NLRP4: variants seen among roughly 807,000 people sequenced by gnomAD.
NLRP4 encodes the protein NACHT, LRR and PYD domains-containing protein 4.
NLRP4 carries 44 observed loss-of-function variants against 84.7 expected under a neutral mutation model. The ratio of observed to expected loss-of-function variants is 0.52; its 90% CI spans 0.41 to 0.67. The LOEUF (loss-of-function observed/expected upper bound fraction) is 0.67, where lower values mean the gene tolerates loss of function less well. NLRP4 is among the 30% of genes least tolerant of loss of function. The pLI, the probability that NLRP4 is intolerant of heterozygous loss-of-function variation, is 0.00. For missense variants in NLRP4, 1,260 were observed against 1,219.4 expected (o/e 1.03, Z -0.50); for synonymous variants, 544 against 476.4 (o/e 1.14, Z -1.85).
At chr19:55,852,817 C>T (rs755758962) in intron 2 of NLRP4, among the ~76,000 whole-genome samples, 64 of 151,956 alleles carry the variant, frequency 4.2e-4, no homozygotes, top group Non-Finnish European at 7.7e-4. Context: ...GTCTCTTAGA[C>T]GTGGTGGTTA....
At position 55,863,736 on chromosome 19, in the gene NLRP4, C is replaced by A. The variant is rs528544330; in HGVS notation, c.2186+1577C>A. On this transcript the variant is annotated intron_variant, in intron 5 of 9. Coordinates refer to ENST00000301295, the MANE Select transcript of NLRP4 (RefSeq NM_134444.5). ...GGAGAATGATGAACCTGCTCTGTTT[C>A]TTGACCTGGATACTGGTAACTCAAG... Among the ~76,000 whole-genome samples the A allele has an allele frequency of 1.4e-4, 22 of 152,278 alleles. 1 individual carries two copies. The highest frequency in any genetic ancestry group is 1.4e-3 in the Admixed American group (22 of 15,308).
chr19:55,852,437 T>C, intron 2 of NLRP4, 77 bp downstream of exon 2: 1 of 886,868 alleles, frequency 1.1e-6, no homozygotes, highest in East Asian at 2.6e-5. Context: ...TCTCTGCCTG[T>C]CTACAACAGG....
intron 2 of NLRP4, among the ~76,000 whole-genome samples, chr19:55,856,723 C>T (rs1241688386): frequency 1.3e-5 from 2 of 151,892 alleles, no homozygotes; most frequent in Non-Finnish European, 1.5e-5. Flanking sequence ...ACCATGTTGG[C>T]CAGGATGGTC....
At chr19:55,867,589 G>T in intron 5 of NLRP4, 120 bp from the exon 6 acceptor site, 1 of 810,636 alleles carries the variant, frequency 1.2e-6, no homozygotes, top group Non-Finnish European at 2.0e-6. Flanking sequence ...AACAGGGTTG[G>T]GAGGCAGTGA....
chr19:55,849,974 G>GCCGCGGTGTGATTTCCGAGA (rs1983981087), intron 1 of NLRP4, among the ~76,000 whole-genome samples: 1 of 107,524 alleles, frequency 9.3e-6, no homozygotes, highest in African/African-American at 5.5e-5. Flanking sequence ...AATTTCCGTA[G>GCCGCGGTGTGATTTCCGAGA]CTGCGGTGTA....
chr19:55,857,733 A>C lies in NLRP4; in HGVS notation c.340A>C (p.Lys114Gln). 6.2e-7 allele frequency: 1 copy of C among 1,613,796 alleles called. No individual in the cohort carries two copies. The highest frequency in any genetic ancestry group is 1.1e-5 in the South Asian group (1 of 91,072). Residue 114 changes from lysine to glutamine, a missense_variant, in exon 3 of 10, where the codon AAG becomes CAG. Lys to Gln is a moderately conservative substitution (Grantham distance 53, BLOSUM62 1). This residue lies in a region of NLRP4 where 712 missense variants were observed against 669.2 expected (regional missense o/e 1.06). Transcript: ENST00000301295. ...KQKFSRLWSS[K>Q]SVTEIHLYFE... Reference sequence around the variant, plus strand: ...GAAATTCAGCCGCTTATGGTCCAGCAAGTCTGTCACTGAGATTCACCTATA... The same window carrying C: ...GAAATTCAGCCGCTTATGGTCCAGCCAGTCTGTCACTGAGATTCACCTATA...
In NLRP4 at chr19:55,836,740, G is replaced by A. The variant is rs1476411006; in HGVS notation, c.-260G>A. ...GTTTTCCTTCTCTCCAGTTAGTGGG[G>A]TAGATGAACGCCCTGTGTTTATAAG... On this transcript the variant is annotated 5_prime_UTR_variant, in exon 1 of 10. Coordinates refer to ENST00000301295, the MANE Select transcript of NLRP4 (RefSeq NM_134444.5). 1 of 150,154 alleles carries A rather than the reference G, an allele frequency of 6.7e-6. No homozygotes were observed. The highest frequency in any genetic ancestry group is 2.0e-4 in the East Asian group (1 of 5,072). 9.3% of individuals were successfully genotyped at this position (150,154 alleles called of 1,614,324 possible).
At chr19:55,849,850 G>A (rs1409906052) in intron 1 of NLRP4, among the ~76,000 whole-genome samples, 2 of 142,998 alleles carry the variant, frequency 1.4e-5, no homozygotes, top group African/African-American at 2.8e-5. Context: ...TGTAATTTCC[G>A]AGACTGCGGT....
intron 1 of NLRP4, among the ~76,000 whole-genome samples, chr19:55,849,795 T>C (rs759883455): frequency 4.7e-5 from 7 of 149,778 alleles, no homozygotes; most frequent in African/African-American, 1.3e-4. Context: ...TTTCCAAAGC[T>C]GCGGTGTAAT....
intron 1 of NLRP4, among the ~76,000 whole-genome samples, chr19:55,840,315 T>G (rs532984071): frequency 1.3e-5 from 2 of 151,194 alleles, no homozygotes; most frequent in East Asian, 1.9e-4. Flanking sequence ...TTGTCGGGGG[T>G]GTGTGTGTAT....
At chr19:55,860,331 CTT>C (rs911543293) in intron 3 of NLRP4, among the ~76,000 whole-genome samples, 8 of 152,320 alleles carry the variant, frequency 5.3e-5, no homozygotes, top group Admixed American at 5.2e-4. Context: ...AACCCCAACA[CTT>C]TGAGAAGCTG....
rs1984587212 is a variant in NLRP4, at chr19:55,858,844, T to G, written c.1451T>G (p.Leu484Arg). The G allele has an allele frequency of 1.2e-6, 2 of 1,614,184 alleles. No individual in the cohort carries two copies. Among genetic ancestry groups the G allele is most frequent in the East Asian group, 4.5e-5 (2 of 44,890 alleles). Residue 484 changes from leucine (L) to arginine (R), a missense_variant, in exon 3 of 10, where the codon CTA becomes CGA. Around this residue, in one of 3 missense-constraint regions of NLRP4, gnomAD observed 712 missense variants for 669.2 expected, o/e 1.06. Coordinates refer to ENST00000301295, the MANE Select transcript of NLRP4 (RefSeq NM_134444.5). The surrounding 1 kb of genome is among the most constrained non-coding windows in gnomAD (Gnocchi z 4.2). Reference sequence around the variant, plus strand: ...GCTGTGAGATGTGTACAGGAATTGCTAGTTGCCAATTTTGAAAAAGCAAGG... The same window carrying G: ...GCTGTGAGATGTGTACAGGAATTGCGAGTTGCCAATTTTGAAAAAGCAAGG... ...HPAVRCVQELLVANFEKARRA... is the reference protein window; with the variant it reads ...HPAVRCVQELRVANFEKARRA...
At chr19:55,876,545 A>G (rs1444437153) in intron 7 of NLRP4, among the ~76,000 whole-genome samples, 1 of 151,762 alleles carries the variant, frequency 6.6e-6, no homozygotes, top group Non-Finnish European at 1.5e-5. Flanking sequence ...TTTTTTTAGT[A>G]GAGATGAGGG....
chr19:55,838,658 G>A (rs1324547286), intron 1 of NLRP4, among the ~76,000 whole-genome samples: 1 of 152,074 alleles, frequency 6.6e-6, no homozygotes, highest in African/African-American at 2.4e-5. Context: ...ATCACCAAAT[G>A]TTAAAAGTTT....
At position 55,852,020 on chromosome 19, in the gene NLRP4, T is replaced by C; in HGVS notation, c.-61T>C. ...ACTGTCCTGAATTTTCTACAGGTTT[T>C]ATTTATTTATTGTTCCTGGTCACTG... On this transcript the variant is annotated 5_prime_UTR_variant, in exon 2 of 10. Coordinates refer to ENST00000301295, the MANE Select transcript of NLRP4 (RefSeq NM_134444.5). 4 of 1,260,296 alleles carry C rather than the reference T, an allele frequency of 3.2e-6. No homozygotes were observed. The highest frequency in any genetic ancestry group is 4.5e-6 in the Non-Finnish European group (4 of 886,110). The allele number at this position is 1,260,296 out of a possible 1,614,324, so 78.1% of individuals were successfully genotyped here.
intron 7 of NLRP4, among the ~76,000 whole-genome samples, chr19:55,875,181 T>TAAG (rs913829232): frequency 7.2e-4 from 110 of 152,304 alleles, no homozygotes; most frequent in Middle Eastern, 3.4e-3. Flanking sequence ...ATGAAAAAGA[T>TAAG]AAGAACGGTG....
At chr19:55,839,316 T>TGTGTGTGTGTGTGTGTGTGTGC (rs1418352680) in intron 1 of NLRP4, among the ~76,000 whole-genome samples, 4 of 152,244 alleles carry the variant, frequency 2.6e-5, no homozygotes, top group African/African-American at 9.6e-5. Context: ...TGAGTGTGTG[T>TGTGTGTGTGTGTGTGTGTGTGC]GTGTGCTCTT....
intron 1 of NLRP4, among the ~76,000 whole-genome samples, chr19:55,851,713 A>AGGCTGCGGTGTAATTTCTAT (rs1984164567): frequency 1.1e-5 from 1 of 93,154 alleles, no homozygotes; most frequent in African/African-American, 6.6e-5. Context: ...GTAATGTCCG[A>AGGCTGCGGTGTAATTTCTAT]GGCTGCGGTG....
intron 6 of NLRP4, among the ~76,000 whole-genome samples, chr19:55,869,204 A>G (rs1356660273): frequency 6.6e-6 from 1 of 151,858 alleles, no homozygotes; most frequent in Non-Finnish European, 1.5e-5. Flanking sequence ...AATACAAAAT[A>G]CAAAAATTAG....
Sources: allele counts gnomAD v4.1 joint callset (sites outside exome capture counted in the v4.1 genomes callset), GRCh38; gene constraint gnomAD v4.1.1; regional missense constraint gnomAD v4.1.1; non-coding constraint Gnocchi (gnomAD v3.1); transcripts MANE v1.5; gene names NCBI Gene and HGNC (gene_info 2026-07-23, HGNC 2026-07-21).